UNC5C: variants seen among roughly 807,000 people sequenced by gnomAD.
UNC5C encodes netrin receptor UNC5C.
UNC5C carries 47 observed loss-of-function variants against 99.8 expected under a neutral mutation model. The observed-to-expected ratio is 0.47, with a 90% confidence interval of 0.37 to 0.60. UNC5C has a LOEUF of 0.60. Ranked by LOEUF, UNC5C falls within the 20% of genes least tolerant of loss-of-function variation. The pLI is 0.00. For missense variants in UNC5C, 1,062 were observed against 1,165.9 expected, an observed-to-expected ratio of 0.91 and a Z score of 1.30; for synonymous variants, 487 against 452.2, an observed-to-expected ratio of 1.08 and a Z score of -0.98.
At chr4:95,171,211 T>C (rs1736086771) in intron 14 of UNC5C, among the ~76,000 whole-genome samples, 1 of 151,296 alleles carries the variant, frequency 6.6e-6, no homozygotes, top group Non-Finnish European at 1.5e-5. Flanking sequence ...GCCATCTCTC[T>C]CTATTTTTTT....
At chr4:95,456,964 T>C (rs796104328) in intron 1 of UNC5C, among the ~76,000 whole-genome samples, 10 of 152,262 alleles carry the variant, frequency 6.6e-5, no homozygotes, top group African/African-American at 2.2e-4. Context: ...GTTAATACTA[T>C]GTTCATTTCT....
At chr4:95,177,538 C>T (rs899897161) in intron 14 of UNC5C, among the ~76,000 whole-genome samples, 1 of 152,218 alleles carries the variant, frequency 6.6e-6, no homozygotes, top group African/African-American at 2.4e-5. Flanking sequence ...ATTCTGCGAT[C>T]AGCAGCAAGT....
chr4:95,315,349 C>A (rs1742435107), intron 2 of UNC5C, among the ~76,000 whole-genome samples: 1 of 152,212 alleles, frequency 6.6e-6, no homozygotes, highest in Admixed American at 6.5e-5. Context: ...CTCTTCCTGC[C>A]TTAGTCAGGA....
intron 10 of UNC5C, among the ~76,000 whole-genome samples, chr4:95,211,996 G>A (rs569192792): frequency 2.6e-5 from 4 of 152,234 alleles, no homozygotes; most frequent in South Asian, 4.1e-4. Context: ...CTACTAAAAG[G>A]AGAAAGATCA....
At chr4:95,469,484 A>G (rs1212590994) in intron 1 of UNC5C, among the ~76,000 whole-genome samples, 2 of 152,144 alleles carry the variant, frequency 1.3e-5, no homozygotes, top group African/African-American at 4.8e-5. Context: ...TAAAGGCTGC[A>G]TTTTCAGTAC....
chr4:95,387,483 C>A (rs1427940317), intron 1 of UNC5C, among the ~76,000 whole-genome samples: 1 of 152,158 alleles, frequency 6.6e-6, no homozygotes, highest in African/African-American at 2.4e-5. Context: ...AATGGCCATA[C>A]CTCAAAATTG....
chr4:95,465,626 A>T (rs1311222647), intron 1 of UNC5C, among the ~76,000 whole-genome samples: 1 of 152,112 alleles, frequency 6.6e-6, no homozygotes. Flanking sequence ...TTTGGGTAAC[A>T]TATGGGGTGC....
rs544000782 is a variant in UNC5C, at chr4:95,314,633, T to A, written c.347-12884A>T. ...TCCATATTTTAAAAAAGATATAAAA[T>A]TCATGAGTATAATCATGTCTTCTGG... On this transcript the variant is annotated intron_variant, in intron 2 of 15. Coordinates refer to ENST00000453304, the MANE Select transcript of UNC5C (RefSeq NM_003728.4). Among the ~76,000 whole-genome samples, 72 of 152,300 alleles carry A rather than the reference T, an allele frequency of 4.7e-4. No homozygotes were observed. The East Asian group carries it at 7.5e-3, about 16-fold the overall frequency.
At chr4:95,206,902 CTT>C (rs35063112) in intron 10 of UNC5C, 106 bp from the exon 11 acceptor site, 4,703 of 505,832 alleles carry the variant, frequency 9.3e-3, no homozygotes, top group East Asian at 0.017. Flanking sequence ...TCCTGGAATT[CTT>C]TTTTTTTTTT....
At chr4:95,310,943 T>G (rs1742253982) in intron 2 of UNC5C, among the ~76,000 whole-genome samples, 1 of 152,194 alleles carries the variant, frequency 6.6e-6, no homozygotes, top group African/African-American at 2.4e-5. Flanking sequence ...CTGGCAATCA[T>G]AACACAGTTT....
chr4:95,178,001 C>A (rs1463070989), intron 14 of UNC5C, among the ~76,000 whole-genome samples: 1 of 152,066 alleles, frequency 6.6e-6, no homozygotes, highest in East Asian at 1.9e-4. Flanking sequence ...AGCCACCATA[C>A]CTGGCCCAGT....
chr4:95,246,419 G>A (rs960901608), intron 5 of UNC5C, among the ~76,000 whole-genome samples: 5 of 151,814 alleles, frequency 3.3e-5, no homozygotes, highest in African/African-American at 1.2e-4. Flanking sequence ...AAATTAGCAG[G>A]TCATGTCAGC....
chr4:95,350,485 C>CA (rs5860400), intron 1 of UNC5C, among the ~76,000 whole-genome samples: 14 of 147,962 alleles, frequency 9.5e-5, no homozygotes, highest in South Asian at 2.2e-4. Context: ...GACTCCGTCT[C>CA]AAAAAAAAAA....
intron 1 of UNC5C, among the ~76,000 whole-genome samples, chr4:95,510,760 A>G (rs1209083923): frequency 6.6e-6 from 1 of 152,152 alleles, no homozygotes; most frequent in Non-Finnish European, 1.5e-5. Context: ...AAAGTACATT[A>G]ATGAATGTTA....
chr4:95,264,498 A>G lies in UNC5C; in HGVS notation c.594+13761T>C, dbSNP rs575728376. Among the ~76,000 whole-genome samples, 6 of 152,040 alleles carry G rather than the reference A, an allele frequency of 3.9e-5. No homozygotes were observed. In the South Asian group the frequency reaches 6.2e-4, roughly 16 times the overall value. The stretch of plus-strand genomic sequence containing the variant: ...AGTCCAAAAGATATCAACTCCCCCA[A>G]TGCTCTTTCTTTGAGTCTCAAGTAA... On this transcript the variant is annotated intron_variant, in intron 4 of 15. Coordinates refer to ENST00000453304, the MANE Select transcript of UNC5C (RefSeq NM_003728.4).
At chr4:95,340,006 A>G (rs1743502856) in intron 1 of UNC5C, among the ~76,000 whole-genome samples, 1 of 152,134 alleles carries the variant, frequency 6.6e-6, no homozygotes, top group Non-Finnish European at 1.5e-5. Context: ...TTATCTTGAT[A>G]TCAATAAATC....
intron 1 of UNC5C, among the ~76,000 whole-genome samples, chr4:95,431,311 C>A (rs539029351): frequency 6.6e-6 from 1 of 152,058 alleles, no homozygotes; most frequent in Non-Finnish European, 1.5e-5. Flanking sequence ...TCAGAATCAT[C>A]TCGAAAGCCT....
intron 1 of UNC5C, among the ~76,000 whole-genome samples, chr4:95,421,276 T>C (rs950739817): frequency 6.6e-6 from 1 of 152,170 alleles, no homozygotes; most frequent in Non-Finnish European, 1.5e-5. Context: ...TGTAGTTTAT[T>C]CTTCATAAAG....
At chr4:95,245,438 C>T (rs1031671326) in intron 5 of UNC5C, among the ~76,000 whole-genome samples, 1 of 152,154 alleles carries the variant, frequency 6.6e-6, no homozygotes, top group African/African-American at 2.4e-5. Context: ...ACACCTATCT[C>T]CTCACCTAGT....
Sources: gnomAD v4.1 joint callset for allele counts (sites outside exome capture counted in the v4.1 genomes callset) on GRCh38, gnomAD v4.1.1 for gene constraint, MANE v1.5 for transcripts, NCBI Gene and HGNC (gene_info 2026-07-23, HGNC 2026-07-21) for gene names.